The following WNK2 variants were observed in gnomAD, a reference collection of about 807,000 sequenced individuals.
WNK2 encodes the protein WNK lysine deficient protein kinase 2, also known as serine/threonine-protein kinase WNK2.
In WNK2, 67 loss-of-function variants were observed where a neutral mutation model predicts 192.1. The ratio of observed to expected loss-of-function variants is 0.35; its 90% CI spans 0.29 to 0.43. The LOEUF (loss-of-function observed/expected upper bound fraction) is 0.43, where lower values mean the gene tolerates loss of function less well. WNK2 is among the 20% of genes least tolerant of loss of function. The pLI, the probability that WNK2 is intolerant of heterozygous loss-of-function variation, is 1.00. For synonymous variants in WNK2, 1,439 were observed against 1,393.9 expected (o/e 1.03, Z -0.72); for missense variants, 2,698 against 3,089.7 (o/e 0.87, Z 3.01).
intron 21 of WNK2, 85 bp from the exon 22 acceptor site, chr9:93,292,223 C>T (rs1849472501): frequency 6.9e-7 from 1 of 1,452,606 alleles, no homozygotes; most frequent in Non-Finnish European, 9.6e-7. Flanking sequence ...CATGGGATCA[C>T]TTTGGGCTGC....
chr9:93,237,221 A>G (rs1449558474), intron 5 of WNK2, among the ~76,000 whole-genome samples: 1 of 152,220 alleles, frequency 6.6e-6, no homozygotes, highest in Admixed American at 6.5e-5. Flanking sequence ...AGTTTCCATC[A>G]AAGTTGTGAA....
chr9:93,221,157 T>C (rs1836813743), intron 2 of WNK2, among the ~76,000 whole-genome samples: 1 of 152,224 alleles, frequency 6.6e-6, no homozygotes, highest in Non-Finnish European at 1.5e-5. Context: ...CCTGCCGTGC[T>C]CATGCTGGGC....
chr9:93,224,138 C>T (rs1036425340), intron 2 of WNK2, among the ~76,000 whole-genome samples: 5 of 152,204 alleles, frequency 3.3e-5, no homozygotes, highest in African/African-American at 9.6e-5. Context: ...GCTTATCTCT[C>T]GGGGCTCAGC....
chr9:93,238,512 G>A lies in WNK2; in HGVS notation c.1322+191G>A, dbSNP rs555730664. 2.6e-5 allele frequency among the ~76,000 whole-genome samples: 4 copies of A among 152,326 alleles called. No homozygotes were observed. In the South Asian group the frequency reaches 8.3e-4, roughly 32 times the overall value. On this transcript the variant is annotated intron_variant, in intron 6 of 29. Coordinates refer to ENST00000427277, the MANE Select transcript of WNK2 (RefSeq NM_006648.4). ...GCGTGTGGGTGACACCAGGCCAGGA[G>A]GCCAGGCCCTCACGTCCTTGTTGGC... is the stretch of plus-strand genomic sequence containing the variant.
Position 93,263,739 on chromosome 9 carries a change from G to C in WNK2, c.3579+5G>C. ...CCCCGGCTTACCATCTTGAACGTGA[G>C]TGGGCGGGGCGTGGCGGGGGTGTGG... On this transcript the variant is annotated splice_donor_5th_base_variant and intron_variant, in intron 15 of 29. Transcript: ENST00000427277. 6.8e-7 allele frequency: 1 copy of C among 1,477,780 alleles called. No individual in the cohort carries two copies. Among genetic ancestry groups the C allele is most frequent in the Non-Finnish European group, 9.0e-7 (1 of 1,116,706 alleles). The allele number at this position is 1,477,780 out of a possible 1,614,324, so 91.5% of individuals were successfully genotyped here. A position where few individuals can be genotyped will look rare whatever the true frequency, so the allele number is the denominator to read the frequency against.
intron 8 of WNK2, among the ~76,000 whole-genome samples, chr9:93,252,306 C>T (rs1458057134): frequency 1.3e-5 from 2 of 152,316 alleles, no homozygotes; most frequent in East Asian, 1.9e-4. Flanking sequence ...GGAGCTCAGG[C>T]CATGGGCGCT....
At position 93,226,565 on chromosome 9, in the gene WNK2, G is replaced by A. The variant is rs146066157; in HGVS notation, c.682-3131G>A. Among the ~76,000 whole-genome samples the A allele has an allele frequency of 1.2e-3, 175 of 152,164 alleles. 1 individual carries two copies. The highest frequency in any genetic ancestry group is 3.4e-3 in the Middle Eastern group (1 of 292). On this transcript the variant is annotated intron_variant, in intron 2 of 29. Transcript: ENST00000427277. The stretch of plus-strand genomic sequence containing the variant: ...AAATGCACATAGAGGTGGAGCCCAC[G>A]TGCTCTGTTATGATGTGGAACATTT...
chr9:93,300,121 C>T lies in WNK2; in HGVS notation c.6186C>T (p.Phe2062=). 1 of 1,613,494 alleles carries T rather than the reference C, an allele frequency of 6.2e-7. No individual in the cohort carries two copies. The highest frequency in any genetic ancestry group is 8.5e-7 in the Non-Finnish European group (1 of 1,179,710). ...YKSSSKPRAR[F]LSGPVSVSIW... Reference sequence around the variant, plus strand: ...CTAGTAGCAAACCTCGTGCTCGATTCCTCAGTGGACCCGTATCTGTGTCCA... The same window carrying T: ...CTAGTAGCAAACCTCGTGCTCGATTTCTCAGTGGACCCGTATCTGTGTCCA... Residue 2062 remains phenylalanine, a synonymous_variant, in exon 26 of 30, where the codon TTC becomes TTT. Transcript: ENST00000427277.
chr9:93,229,028 A>G lies in WNK2; in HGVS notation c.682-668A>G, dbSNP rs996844585. Among the ~76,000 whole-genome samples, 2 of 152,138 alleles carry G rather than the reference A, an allele frequency of 1.3e-5. No individual in the cohort carries two copies. The highest frequency in any genetic ancestry group is 4.8e-5 in the African/African-American group (2 of 41,430). The stretch of plus-strand genomic sequence containing the variant: ...GGGCATGTGGTGCATGCACCTGACC[A>G]GGGTTCCCGGGTGATGATGGTGGCG... On this transcript the variant is annotated intron_variant, in intron 2 of 29. Transcript: ENST00000427277. This position sits in a 1 kb window ranked among gnomAD's most constrained non-coding sequence, Gnocchi z 4.9.
intron 2 of WNK2, among the ~76,000 whole-genome samples, chr9:93,201,389 G>C (rs187882272): frequency 1.3e-5 from 2 of 152,358 alleles, no homozygotes; most frequent in Admixed American, 1.3e-4. Flanking sequence ...AGGCCCCTGC[G>C]TGCCTTCCTG....
At chr9:93,250,782 C>CTTTTTT (rs35468086) in intron 8 of WNK2, among the ~76,000 whole-genome samples, 6 of 118,626 alleles carry the variant, frequency 5.1e-5, no homozygotes, top group African/African-American at 1.6e-4. Flanking sequence ...AACTCATTCA[C>CTTTTTT]TTTTTTTTTT....
intron 2 of WNK2, among the ~76,000 whole-genome samples, chr9:93,206,798 G>A (rs930951526): frequency 1.3e-5 from 2 of 152,296 alleles, no homozygotes; most frequent in Admixed American, 6.5e-5. Context: ...CTGCTTCCCC[G>A]AGGCAGCTCT....
chr9:93,242,593 T>C (rs1840962033), intron 7 of WNK2, among the ~76,000 whole-genome samples: 1 of 152,346 alleles, frequency 6.6e-6, no homozygotes, highest in East Asian at 1.9e-4. Context: ...AGATGCTGCA[T>C]AGGCTATGTA....
chr9:93,318,486 G>T lies in WNK2; in HGVS notation c.6628+855G>T, dbSNP rs879532008. 3 of 1,614,106 alleles carry T rather than the reference G, an allele frequency of 1.9e-6. No homozygotes were observed. In the Admixed American group the frequency reaches 5.0e-5, roughly 27 times the overall value. ...AGTAGGGAATGTCAGTTGTTGCGCT[G>T]GGCCATGAGAAATCCGCCAGAAAAC... On this transcript the variant is annotated intron_variant, in intron 29 of 29. Transcript: ENST00000427277.
intron 19 of WNK2, among the ~76,000 whole-genome samples, chr9:93,288,293 GC>G (rs886550763): frequency 7.2e-5 from 11 of 152,316 alleles, no homozygotes; most frequent in African/African-American, 2.6e-4. Flanking sequence ...GGGTCTGAAG[GC>G]TTCAGGCTCC....
At chr9:93,230,490 C>T (rs1838583827) in intron 3 of WNK2, among the ~76,000 whole-genome samples, 1 of 152,236 alleles carries the variant, frequency 6.6e-6, no homozygotes, top group Non-Finnish European at 1.5e-5. Context: ...CCCCAGCTGG[C>T]CCCTGTGGTT....
intron 7 of WNK2, among the ~76,000 whole-genome samples, chr9:93,244,972 G>A (rs1412090082): frequency 6.6e-6 from 1 of 152,062 alleles, no homozygotes; most frequent in Non-Finnish European, 1.5e-5. Flanking sequence ...GAGTGTAGAC[G>A]GGTCCCACTG....
chr9:93,292,207 C>A, intron 21 of WNK2, 101 bp from the exon 22 acceptor site: 2 of 1,204,348 alleles, frequency 1.7e-6, no homozygotes, highest in Non-Finnish European at 2.4e-6. Flanking sequence ...TGTCTGGAGG[C>A]ACTCCCATGG....
intron 19 of WNK2, among the ~76,000 whole-genome samples, chr9:93,277,284 T>C (rs749745951): frequency 6.6e-6 from 1 of 152,214 alleles, no homozygotes; most frequent in African/African-American, 2.4e-5. Flanking sequence ...TAAAATGGTA[T>C]AGCCATTCTG....
Sources: allele counts gnomAD v4.1 joint callset (sites outside exome capture counted in the v4.1 genomes callset), GRCh38; gene constraint gnomAD v4.1.1; non-coding constraint Gnocchi (gnomAD v3.1); transcripts MANE v1.5; gene names NCBI Gene and HGNC (gene_info 2026-07-23, HGNC 2026-07-21).